RUBCNL: variants seen among roughly 807,000 people sequenced by gnomAD.
The protein encoded by RUBCNL is protein associated with UVRAG as autophagy enhancer.
In RUBCNL, 62 loss-of-function variants were observed where a neutral mutation model predicts 69.5. That is an observed-to-expected ratio of 0.89 (90% confidence interval 0.73 to 1.10). RUBCNL has a LOEUF of 1.10. Ranked by LOEUF, RUBCNL falls within the 50% of genes least tolerant of loss-of-function variation. The pLI is 0.00. For synonymous variants in RUBCNL, 291 were observed against 303.6 expected, an observed-to-expected ratio of 0.96 and a Z score of 0.43; for missense variants, 768 against 798.1, an observed-to-expected ratio of 0.96 and a Z score of 0.45.
chr13:46,363,191 G>A lies in RUBCNL; in HGVS notation c.849C>T (p.Ser283=). ...GGTAAGTACGTGTTTCAGTCACTGG[G>A]CTGACCTGTAACACAGCACAACCTA... ...GYEGCAVLQV[S]PVTETRTYHD... The change falls in exon 6 of 15, where the codon AGC becomes AGT. Residue 283 remains serine, a synonymous_variant. Coordinates refer to ENST00000429979, the MANE Select transcript of RUBCNL (RefSeq NM_025113.5). 1 of 1,588,100 alleles carries A rather than the reference G, an allele frequency of 6.3e-7. No homozygotes were observed. Among genetic ancestry groups the A allele is most frequent in the Non-Finnish European group, 8.6e-7 (1 of 1,166,214 alleles).
rs1264343491 is a variant in RUBCNL, at chr13:46,336,762, G to A, written c.*6623C>T. 1.2e-4 allele frequency among the ~76,000 whole-genome samples: 18 copies of A among 152,066 alleles called. No homozygotes were observed. The highest frequency in any genetic ancestry group is 1.0e-3 in the Admixed American group (16 of 15,270). On this transcript the variant is annotated 3_prime_UTR_variant, in exon 15 of 15. Transcript: ENST00000429979. ...TAAAGGAAGAAAGAGGTGTGGAAGC[G>A]ATGGCAAACATTAAAAACTGTTCTT... is the stretch of plus-strand genomic sequence containing the variant.
intron 9 of RUBCNL, among the ~76,000 whole-genome samples, 187 bp downstream of exon 9, chr13:46,359,299 T>C (rs764493717): frequency 3.3e-5 from 5 of 150,254 alleles, no homozygotes; most frequent in Admixed American, 1.3e-4. Context: ...CAAAAGTCCA[T>C]GGTAAACAAG....
intron 1 of RUBCNL, among the ~76,000 whole-genome samples, chr13:46,386,312 G>C (rs1594192798): frequency 6.6e-6 from 1 of 152,252 alleles, no homozygotes; most frequent in East Asian, 1.9e-4. Context: ...AGAAACTCAA[G>C]CTTACGGATT....
At chr13:46,390,032 C>G (rs1024938382), upstream of RUBCNL, 1 of 151,674 alleles carries the variant, frequency 6.6e-6, no homozygotes, top group Non-Finnish European at 1.5e-5. Flanking sequence ...GGACAACTCA[C>G]TGTGTCAGCT....
intron 10 of RUBCNL, among the ~76,000 whole-genome samples, chr13:46,351,759 T>C (rs957664492): frequency 2.7e-5 from 4 of 150,130 alleles, no homozygotes; most frequent in African/African-American, 7.4e-5. Flanking sequence ...ACTGTCTAAA[T>C]CCCCACCAAA....
At chr13:46,381,002 T>C (rs1296341081) in intron 1 of RUBCNL, among the ~76,000 whole-genome samples, 1 of 152,208 alleles carries the variant, frequency 6.6e-6, no homozygotes, top group Non-Finnish European at 1.5e-5. Flanking sequence ...AATGGCTAGA[T>C]TTCCATGTTT....
At chr13:46,388,300 A>C, upstream of RUBCNL, among the ~76,000 whole-genome samples, 2 of 128,280 alleles carry the variant, frequency 1.6e-5, no homozygotes, top group Non-Finnish European at 3.3e-5. Context: ...GGAGGGAGGG[A>C]GGGAAGAAGG....
intron 10 of RUBCNL, among the ~76,000 whole-genome samples, chr13:46,351,301 GAAAGA>G: frequency 6.6e-6 from 1 of 152,220 alleles, no homozygotes; most frequent in African/African-American, 2.4e-5. Flanking sequence ...GAAATGAAAT[GAAAGA>G]AAAGAAAAGT....
intron 2 of RUBCNL, chr13:46,374,496 A>G (rs1377895173): frequency 2.6e-5 from 4 of 152,230 alleles, no homozygotes; most frequent in Admixed American, 2.0e-4. Flanking sequence ...CCAAAAATCC[A>G]TTTAATATAT....
chr13:46,353,846 T>C (rs948023291), intron 10 of RUBCNL, among the ~76,000 whole-genome samples: 1 of 152,220 alleles, frequency 6.6e-6, no homozygotes, highest in Admixed American at 6.5e-5. Flanking sequence ...CATGTGGCTA[T>C]TGAGTACTTG....
chr13:46,384,409 T>C (rs1342526628), intron 1 of RUBCNL, among the ~76,000 whole-genome samples: 4 of 152,216 alleles, frequency 2.6e-5, no homozygotes, highest in African/African-American at 4.8e-5. Context: ...TTTATAAGAA[T>C]AATACAATAC....
chr13:46,359,747 G>T, intron 8 of RUBCNL, 116 bp from the exon 9 acceptor site: 2 of 1,034,832 alleles, frequency 1.9e-6, no homozygotes, highest in Non-Finnish European at 2.7e-6. Context: ...AATTAACAGT[G>T]CTTTTAACTG....
At position 46,344,782 on chromosome 13, in the gene RUBCNL, A is replaced by G. The variant is rs761689276; in HGVS notation, c.1835T>C (p.Val612Ala). The G allele has an allele frequency of 6.2e-7, 1 of 1,611,942 alleles. No individual in the cohort carries two copies. The highest frequency in any genetic ancestry group is 1.3e-5 in the African/African-American group (1 of 75,036). ...TGTTGCTGTCTGAAATGGGAAGATG[A>G]CAGTCGTATTCTGGCAAAATTCACA... ...FICEFCQNTTVIFPFQTATCR... is the reference protein window; with the variant it reads ...FICEFCQNTTAIFPFQTATCR... The change falls in exon 14 of 15, where the codon GTC becomes GCC. Residue 612 changes from valine to alanine, a missense_variant. Transcript: ENST00000429979.
In RUBCNL at chr13:46,362,529, G is replaced by C; in HGVS notation, c.986+9C>G. ...GGGTCTATGTGCACTGTGCACAGAAGACAGATACCTCTTAGAGGAGCTGCA... is the reference window on the plus strand; with the variant it reads ...GGGTCTATGTGCACTGTGCACAGAACACAGATACCTCTTAGAGGAGCTGCA... On this transcript the variant is annotated intron_variant, in intron 7 of 14. Transcript: ENST00000429979. 2.5e-6 allele frequency: 4 copies of C among 1,601,164 alleles called. No homozygotes were observed. The highest frequency in any genetic ancestry group is 4.5e-5 in the East Asian group (2 of 44,744).
intron 10 of RUBCNL, 87 bp downstream of exon 10, chr13:46,356,345 C>T (rs1297593993): frequency 2.0e-5 from 26 of 1,293,296 alleles, no homozygotes; most frequent in Middle Eastern, 1.9e-4. Flanking sequence ...TCAAAGGCAT[C>T]TCTCACACAA....
intron 3 of RUBCNL, among the ~76,000 whole-genome samples, chr13:46,370,136 C>T (rs1030384356): frequency 2.0e-5 from 3 of 152,326 alleles, no homozygotes; most frequent in Non-Finnish European, 2.9e-5. Flanking sequence ...AGAGAAGAAT[C>T]GGAACAGAGT....
intron 7 of RUBCNL, 134 bp downstream of exon 7, chr13:46,362,404 A>G (rs574115874): frequency 1.2e-5 from 6 of 493,268 alleles, no homozygotes; most frequent in Non-Finnish European, 2.2e-5. Context: ...TCTAGGTGAT[A>G]CTCTCCTAGA....
Position 46,336,972 on chromosome 13 carries a change from A to G in RUBCNL, c.*6413T>C, listed in dbSNP as rs560432381. On this transcript the variant is annotated 3_prime_UTR_variant, in exon 15 of 15. Transcript: ENST00000429979. ...TGACTGTTATGGACTGAATATTTATATCTCCTCAAAAGTCATGTGTTGAAG... is the reference window on the plus strand; with the variant it reads ...TGACTGTTATGGACTGAATATTTATGTCTCCTCAAAAGTCATGTGTTGAAG... 1.3e-5 allele frequency among the ~76,000 whole-genome samples: 2 copies of G among 152,104 alleles called. No individual in the cohort carries two copies. The highest frequency in any genetic ancestry group is 4.2e-4 in the South Asian group (2 of 4,814).
In RUBCNL at chr13:46,368,025, A is replaced by G. The variant is rs781132237; in HGVS notation, c.826+17T>C. ...GAAACACATAACATACAGCTTTCTC[A>G]TATTTGCCCAACTTGCCTTCATAGC... On this transcript the variant is annotated intron_variant, in intron 5 of 14. Transcript: ENST00000429979. 2.5e-6 allele frequency: 4 copies of G among 1,611,032 alleles called. No individual in the cohort carries two copies. Among genetic ancestry groups the G allele is most frequent in the Non-Finnish European group, 3.4e-6 (4 of 1,177,266 alleles).
Sources: gnomAD v4.1 joint callset for allele counts (sites outside exome capture counted in the v4.1 genomes callset) on GRCh38, gnomAD v4.1.1 for gene constraint, MANE v1.5 for transcripts, NCBI Gene and HGNC (gene_info 2026-07-23, HGNC 2026-07-21) for gene names.